KDM6A: variants seen among roughly 807,000 people sequenced by gnomAD.
KDM6A encodes the protein lysine-specific demethylase 6A.
KDM6A carries 11 observed loss-of-function variants against 117.6 expected under a neutral mutation model. That is an observed-to-expected ratio of 0.09 (90% CI 0.06 to 0.15). KDM6A has a LOEUF of 0.15. KDM6A is among the 10% of genes least tolerant of loss of function. The probability of loss-of-function intolerance (pLI) is 1.00; values close to 1 mark genes in which losing one functional copy is unlikely to be tolerated. For missense variants in KDM6A, 799 were observed against 1,077.3 expected (o/e 0.74, Z 3.62); for synonymous variants, 384 against 396.1 (o/e 0.97, Z 0.36).
chrX:44,929,947 C>G (rs1318481518), intron 2 of KDM6A, among the ~76,000 whole-genome samples: 1 of 110,737 alleles, frequency 9.0e-6, no homozygotes, highest in African/African-American at 3.3e-5. Flanking sequence ...GGTGTTACAC[C>G]TAGTATCGAT....
intron 28 of KDM6A, 141 bp downstream of exon 28, chrX:45,107,677 C>T (rs2046581131): frequency 1.7e-6 from 1 of 571,875 alleles, no homozygotes; most frequent in Admixed American, 3.8e-5. Flanking sequence ...AATTTTGTTG[C>T]TTAGCCATTA....
At chrX:45,020,175 C>CA (rs2042117622) in intron 5 of KDM6A, among the ~76,000 whole-genome samples, 1 of 111,436 alleles carries the variant, frequency 9.0e-6, no homozygotes, top group Non-Finnish European at 1.9e-5. Context: ...ATATGAAAGA[C>CA]AAAAATGTAA....
intron 10 of KDM6A, among the ~76,000 whole-genome samples, chrX:45,055,291 G>A (rs2044025830): frequency 9.1e-6 from 1 of 110,491 alleles, no homozygotes; most frequent in South Asian, 3.8e-4. Flanking sequence ...TTTAATTAAT[G>A]TAATATTACT....
At chrX:45,080,850 T>TGGA (rs2045364531) in intron 21 of KDM6A, among the ~76,000 whole-genome samples, 1 of 112,207 alleles carries the variant, frequency 8.9e-6, no homozygotes. Flanking sequence ...AAGAAAAATT[T>TGGA]GGAGGAAGAG....
At chrX:44,889,195 A>G (rs774518165) in intron 2 of KDM6A, among the ~76,000 whole-genome samples, 14 of 111,414 alleles carry the variant, frequency 1.3e-4, no homozygotes, top group Non-Finnish European at 2.1e-4. Flanking sequence ...TTGTAATTTT[A>G]GTAGAGACAG....
intron 7 of KDM6A, among the ~76,000 whole-genome samples, chrX:45,037,404 G>T (rs1001624172): frequency 8.9e-6 from 1 of 112,115 alleles, no homozygotes; most frequent in African/African-American, 3.2e-5. Context: ...TTTAATAATT[G>T]CATTGACAGA....
At chrX:44,929,201 A>G (rs1440961373) in intron 2 of KDM6A, among the ~76,000 whole-genome samples, 1 of 108,432 alleles carries the variant, frequency 9.2e-6, no homozygotes, top group African/African-American at 3.4e-5. Flanking sequence ...AAGTGCTGGG[A>G]TAAGTCATTT....
At chrX:44,911,893 GGCGCGCGCCTGCAA>G (rs1048842601) in intron 2 of KDM6A, among the ~76,000 whole-genome samples, 7 of 110,225 alleles carry the variant, frequency 6.4e-5, no homozygotes, top group African/African-American at 2.3e-4. Context: ...CAGGCGTGGC[GGCGCGCGCCTGCAA>G]TCGCAGGCGC....
chrX:45,074,793 C>A (rs969555890), intron 18 of KDM6A, among the ~76,000 whole-genome samples: 4 of 111,824 alleles, frequency 3.6e-5, no homozygotes, highest in African/African-American at 1.3e-4. Flanking sequence ...TTAGTCATGC[C>A]CCACCTTTTT....
At chrX:44,997,740 A>G (rs2040935616) in intron 4 of KDM6A, among the ~76,000 whole-genome samples, 1 of 110,821 alleles carries the variant, frequency 9.0e-6, no homozygotes, top group Non-Finnish European at 1.9e-5. Context: ...ACTATAACTC[A>G]CTCTGGGTTT....
intron 2 of KDM6A, among the ~76,000 whole-genome samples, chrX:44,894,986 C>T (rs1422770468): frequency 3.6e-5 from 4 of 110,822 alleles, no homozygotes; most frequent in Non-Finnish European, 3.8e-5. Context: ...AAGCTGGTCT[C>T]GAACTCCTGA....
chrX:44,914,168 G>A (rs150246192), intron 2 of KDM6A, among the ~76,000 whole-genome samples: 1,711 of 111,622 alleles, frequency 0.015, 19 homozygotes, highest in Non-Finnish European at 0.024. Flanking sequence ...TTCTTTTTTT[G>A]TGACACCAAA....
intron 27 of KDM6A, among the ~76,000 whole-genome samples, chrX:45,097,458 T>C (rs1397065048): frequency 9.0e-6 from 1 of 111,411 alleles, no homozygotes; most frequent in South Asian, 3.8e-4. Context: ...AACGAACATA[T>C]TAGTATTTCA....
At chrX:44,873,896 A>G (rs776586757) in intron 1 of KDM6A, 28 bp from the exon 2 acceptor site, 25 of 1,201,262 alleles carry the variant, frequency 2.1e-5, no homozygotes, top group Middle Eastern at 4.6e-4. Flanking sequence ...CCTGAGCGTT[A>G]ACGAGTAAAC....
At chrX:45,036,262 T>C (rs965297263) in intron 7 of KDM6A, among the ~76,000 whole-genome samples, 1 of 110,966 alleles carries the variant, frequency 9.0e-6, no homozygotes, top group Non-Finnish European at 1.9e-5. Context: ...CTTGAAAGAG[T>C]ATAGAGAGAT....
At chrX:45,058,326 G>T (rs1310410224) in intron 10 of KDM6A, among the ~76,000 whole-genome samples, 1 of 109,552 alleles carries the variant, frequency 9.1e-6, no homozygotes, top group Non-Finnish European at 1.9e-5. Context: ...AATTTCAACT[G>T]TTATCTGTGT....
intron 2 of KDM6A, among the ~76,000 whole-genome samples, chrX:44,900,977 T>TTTC (rs1328727285): frequency 4.4e-5 from 5 of 112,883 alleles, no homozygotes; most frequent in African/African-American, 9.7e-5. Context: ...TTGGAGTGTT[T>TTTC]AAAGTTTTTC....
intron 2 of KDM6A, among the ~76,000 whole-genome samples, chrX:44,917,411 G>C (rs1209272365): frequency 8.9e-6 from 1 of 111,892 alleles, no homozygotes; most frequent in African/African-American, 3.3e-5. Context: ...TACCTTGAGA[G>C]AGCATGAATC....
At chrX:45,074,250 C>T (rs1466067738) in intron 18 of KDM6A, among the ~76,000 whole-genome samples, 1 of 111,375 alleles carries the variant, frequency 9.0e-6, no homozygotes, top group Admixed American at 9.5e-5. Flanking sequence ...CTTTTGGTAC[C>T]AGTACCATGC....
Sources: allele counts gnomAD v4.1 joint callset (sites outside exome capture counted in the v4.1 genomes callset), GRCh38; gene constraint gnomAD v4.1.1; transcripts MANE v1.5; gene names NCBI Gene and HGNC (gene_info 2026-07-23, HGNC 2026-07-21).